ADAMTSL1: variants seen among roughly 807,000 people sequenced by gnomAD.
ADAMTSL1 encodes the protein ADAMTS like 1, also known as ADAMTS-like protein 1.
ADAMTSL1 carries 126 observed loss-of-function variants against 201.8 expected under a neutral mutation model. The ratio of observed to expected loss-of-function variants is 0.62; its 90% CI spans 0.54 to 0.72. The LOEUF is 0.72. ADAMTSL1 is among the 30% of genes least tolerant of loss of function. ADAMTSL1 has a pLI of 0.00. For missense variants in ADAMTSL1, 2,679 were observed against 2,277.8 expected (o/e 1.18, Z -3.59); for synonymous variants, 1,121 against 903.4 (o/e 1.24, Z -4.32).
At chr9:18,251,935 A>G (rs73426948) in intron 2 of ADAMTSL1, among the ~76,000 whole-genome samples, 3,161 of 152,314 alleles carry the variant, frequency 0.021, 117 homozygotes, top group African/African-American at 0.072. Flanking sequence ...CACAGGAAAA[A>G]GCAAGCTAAA....
intron 14 of ADAMTSL1, among the ~76,000 whole-genome samples, chr9:18,708,586 G>C (rs867931271): frequency 3.3e-5 from 5 of 152,330 alleles, no homozygotes; most frequent in Middle Eastern, 3.4e-3. Flanking sequence ...TGAGAGATCA[G>C]GTAGAAAGGC....
At chr9:17,908,569 G>A (rs1825812587) in intron 1 of ADAMTSL1, among the ~76,000 whole-genome samples, 1 of 151,932 alleles carries the variant, frequency 6.6e-6, no homozygotes, top group African/African-American at 2.4e-5. Context: ...CGATTCTCCT[G>A]CCTCAGCCTC....
chr9:17,988,868 C>T (rs956102990), intron 1 of ADAMTSL1, among the ~76,000 whole-genome samples: 6 of 151,726 alleles, frequency 4.0e-5, no homozygotes, highest in African/African-American at 1.4e-4. Context: ...TAGTGTTTCT[C>T]AACTTGTTTT....
intron 1 of ADAMTSL1, among the ~76,000 whole-genome samples, chr9:17,969,102 T>G (rs1462646827): frequency 6.6e-6 from 1 of 152,068 alleles, no homozygotes; most frequent in African/African-American, 2.4e-5. Flanking sequence ...TCATTTTTGC[T>G]ATATGTGTAT....
At chr9:18,581,200 C>T (rs1302230030) in intron 4 of ADAMTSL1, among the ~76,000 whole-genome samples, 1 of 152,170 alleles carries the variant, frequency 6.6e-6, no homozygotes, top group Non-Finnish European at 1.5e-5. Context: ...ACTCTAATCT[C>T]TGCCTCTGTT....
chr9:18,273,656 C>A (rs1038367579), intron 2 of ADAMTSL1, among the ~76,000 whole-genome samples: 8 of 152,114 alleles, frequency 5.3e-5, no homozygotes, highest in Admixed American at 5.2e-4. Context: ...AGTGTGGTAC[C>A]ATTAGGATGG....
At chr9:18,711,774 A>T (rs1832621833) in intron 14 of ADAMTSL1, among the ~76,000 whole-genome samples, 1 of 152,058 alleles carries the variant, frequency 6.6e-6, no homozygotes, top group Non-Finnish European at 1.5e-5. Context: ...CTGCCTCTGT[A>T]GGCTCCACCT....
intron 1 of ADAMTSL1, among the ~76,000 whole-genome samples, chr9:18,121,010 T>C (rs1825472070): frequency 6.6e-6 from 1 of 152,286 alleles, no homozygotes; most frequent in Non-Finnish European, 1.5e-5. Context: ...TTTATTTATT[T>C]TTTTTCCCCT....
At chr9:18,396,711 C>T (rs1173678842) in intron 2 of ADAMTSL1, among the ~76,000 whole-genome samples, 5 of 151,988 alleles carry the variant, frequency 3.3e-5, no homozygotes, top group African/African-American at 4.8e-5. Flanking sequence ...CCTTGCTTTG[C>T]CATGGTGATC....
At chr9:18,288,225 G>C (rs1351555447) in intron 2 of ADAMTSL1, among the ~76,000 whole-genome samples, 2 of 152,138 alleles carry the variant, frequency 1.3e-5, no homozygotes, top group Non-Finnish European at 2.9e-5. Context: ...GCATACACTG[G>C]AAATTAAGAC....
In ADAMTSL1 at chr9:18,832,360, T is replaced by C. The variant is rs12685741; in HGVS notation, c.4249+2383T>C. ...CAGGGAGGCTGGAGAGGAGGTTTTGTGTAGGGTTGCTGAGAAATTAACATC... is the reference window on the plus strand; with the variant it reads ...CAGGGAGGCTGGAGAGGAGGTTTTGCGTAGGGTTGCTGAGAAATTAACATC... On this transcript the variant is annotated intron_variant, in intron 23 of 28. Transcript: ENST00000380548. 3.9e-3 allele frequency among the ~76,000 whole-genome samples: 589 copies of C among 152,246 alleles called. 8 individuals carry two copies. The East Asian group carries it at 0.046, about 12-fold the overall frequency.
chr9:18,501,435 C>G (rs955888965), intron 1 of ADAMTSL1, among the ~76,000 whole-genome samples: 1 of 147,950 alleles, frequency 6.8e-6, no homozygotes, highest in Non-Finnish European at 1.5e-5. Flanking sequence ...CCCTTGAGCC[C>G]AGGAGGTCAA....
chr9:18,541,253 G>A (rs1820127144), intron 3 of ADAMTSL1, among the ~76,000 whole-genome samples: 1 of 152,206 alleles, frequency 6.6e-6, no homozygotes, highest in Admixed American at 6.5e-5. Flanking sequence ...GCTCATGCCT[G>A]TAATCCCGGC....
intron 4 of ADAMTSL1, among the ~76,000 whole-genome samples, chr9:18,600,728 A>C (rs1824593945): frequency 6.6e-6 from 1 of 152,206 alleles, no homozygotes; most frequent in African/African-American, 2.4e-5. Flanking sequence ...CTACTAAATC[A>C]ATTTGATGCC....
intron 2 of ADAMTSL1, among the ~76,000 whole-genome samples, chr9:18,279,658 A>T (rs1400430954): frequency 6.6e-6 from 1 of 152,020 alleles, no homozygotes; most frequent in East Asian, 2.0e-4. Context: ...AACTTAGATA[A>T]TTCAAAATAC....
At chr9:18,209,685 A>G (rs1829791637) in intron 2 of ADAMTSL1, among the ~76,000 whole-genome samples, 1 of 152,178 alleles carries the variant, frequency 6.6e-6, no homozygotes, top group Admixed American at 6.6e-5. Context: ...TGATTGAAAG[A>G]TACCCTTATT....
chr9:18,097,965 T>A (rs1276281893), intron 1 of ADAMTSL1, among the ~76,000 whole-genome samples: 2 of 152,012 alleles, frequency 1.3e-5, no homozygotes, highest in Non-Finnish European at 2.9e-5. Flanking sequence ...TTTTAGCTTT[T>A]AGGTTTAGGT....
intron 2 of ADAMTSL1, among the ~76,000 whole-genome samples, chr9:18,458,910 G>C (rs2131700834): frequency 6.6e-6 from 1 of 152,242 alleles, no homozygotes; most frequent in South Asian, 2.1e-4. Context: ...CAGAGCAAAA[G>C]TCCTGTTCCC....
intron 14 of ADAMTSL1, chr9:18,718,582 C>T (rs144154365): frequency 6.3e-4 from 271 of 431,452 alleles, no homozygotes; most frequent in African/African-American, 4.7e-3. Context: ...GTTCCCGCAG[C>T]CAGTGTCACT....
Sources: allele counts gnomAD v4.1 joint callset (sites outside exome capture counted in the v4.1 genomes callset), GRCh38; gene constraint gnomAD v4.1.1; transcripts MANE v1.5; gene names NCBI Gene and HGNC (gene_info 2026-07-23, HGNC 2026-07-21).